PUM2: variants seen among roughly 807,000 people sequenced by gnomAD.
PUM2 encodes the protein pumilio homolog 2.
A neutral mutation model predicts 124.5 loss-of-function variants in PUM2; 57 were observed. The ratio of observed to expected loss-of-function variants is 0.46; its 90% CI spans 0.37 to 0.57. The LOEUF (loss-of-function observed/expected upper bound fraction) is 0.57. Ranked by LOEUF, PUM2 falls within the 20% of genes least tolerant of loss-of-function variation. PUM2 has a pLI of 0.00. For missense variants in PUM2, 1,065 were observed against 1,290.6 expected (o/e 0.83, Z 2.68); for synonymous variants, 460 against 446.1 (o/e 1.03, Z -0.39).
chr2:20,288,711 C>T (rs969367326), intron 10 of PUM2, among the ~76,000 whole-genome samples: 2 of 152,120 alleles, frequency 1.3e-5, no homozygotes, highest in Non-Finnish European at 2.9e-5. Flanking sequence ...GAAGGAACAT[C>T]GATTTTCTCA....
chr2:20,310,616 TCAGAA>T (rs1305998470), intron 5 of PUM2, among the ~76,000 whole-genome samples: 2 of 152,022 alleles, frequency 1.3e-5, no homozygotes, highest in African/African-American at 4.8e-5. Flanking sequence ...TTTTTTGCAC[TCAGAA>T]CAGATAGAAA....
intron 2 of PUM2, among the ~76,000 whole-genome samples, chr2:20,318,985 GA>G (rs1369233415): frequency 1.3e-5 from 2 of 152,144 alleles, no homozygotes; most frequent in Non-Finnish European, 2.9e-5. Flanking sequence ...AGGAATGACT[GA>G]ACTTTTCCCT....
chr2:20,293,700 T>C (rs948493806), intron 9 of PUM2, among the ~76,000 whole-genome samples: 10 of 151,938 alleles, frequency 6.6e-5, no homozygotes, highest in Non-Finnish European at 1.3e-4. Context: ...AGAGTAAGAC[T>C]GCTAAAAATA....
At chr2:20,318,754 T>C (rs946204823) in intron 2 of PUM2, 109 bp from the exon 3 acceptor site, 4 of 672,124 alleles carry the variant, frequency 6.0e-6, no homozygotes, top group Non-Finnish European at 7.1e-6. Context: ...TCAATGCTAA[T>C]GAAAATTCAG....
intron 7 of PUM2, among the ~76,000 whole-genome samples, chr2:20,306,605 T>G (rs1006359972): frequency 8.8e-6 from 1 of 114,194 alleles, no homozygotes; most frequent in Admixed American, 8.3e-5. Context: ...AAATGTGGAC[T>G]TTTTTTTTTT....
rs576835325 is a variant in PUM2 at position 20,312,336 on chromosome 2, G to A, written c.248C>T (p.Pro83Leu). 5 of 1,613,396 alleles carry A rather than the reference G, an allele frequency of 3.1e-6. No homozygotes were observed. Among genetic ancestry groups the A allele is most frequent in the East Asian group, 2.2e-5 (1 of 44,826 alleles). ...ACCAAGGCCTCCACTTTCTGATCGC[G>A]GAGACAGTATTGCATTTACTTCACT... ...GNSEVNAILS[P>L]RSESGGLGVS... Residue 83 changes from proline to leucine, a missense_variant, in exon 4 of 21, where the codon CCG becomes CTG. Pro to Leu is a moderately conservative substitution (Grantham distance 98, BLOSUM62 -3). This residue lies in a region of PUM2 where 90 missense variants were observed against 103.6 expected (regional missense o/e 0.87). Coordinates refer to ENST00000361078, the MANE Select transcript of PUM2 (RefSeq NM_015317.5).
At chr2:20,265,469 G>C (rs1457088380) in intron 13 of PUM2, among the ~76,000 whole-genome samples, 1 of 152,136 alleles carries the variant, frequency 6.6e-6, no homozygotes, top group East Asian at 1.9e-4. Flanking sequence ...AACAATAATT[G>C]ATCACTAGCC....
At chr2:20,293,025 T>C (rs1674594974) in intron 9 of PUM2, among the ~76,000 whole-genome samples, 1 of 152,190 alleles carries the variant, frequency 6.6e-6, no homozygotes, top group Admixed American at 6.5e-5. Flanking sequence ...ACGAGACTGA[T>C]GCAGACCAAA....
At chr2:20,277,611 G>A (rs946235355) in intron 13 of PUM2, among the ~76,000 whole-genome samples, 1 of 151,946 alleles carries the variant, frequency 6.6e-6, no homozygotes, top group Non-Finnish European at 1.5e-5. Flanking sequence ...AAGTTTTTTT[G>A]CTTGTTTTTG....
At chr2:20,253,733 A>G in intron 20 of PUM2, 89 bp downstream of exon 20, 4 of 1,204,012 alleles carry the variant, frequency 3.3e-6, no homozygotes, top group Non-Finnish European at 4.6e-6. Flanking sequence ...CAGTTATAAC[A>G]TACGGGAGGA....
Position 20,258,227 on chromosome 2 carries a change from C to A in PUM2, c.2484+16G>T. 1 of 1,570,848 alleles carries A rather than the reference C, an allele frequency of 6.4e-7. No homozygotes were observed. Among genetic ancestry groups the A allele is most frequent in the South Asian group, 1.2e-5 (1 of 82,156 alleles). On this transcript the variant is annotated intron_variant, in intron 16 of 20. Transcript: ENST00000361078. ...GAATAAAATAATACAAAAATTTTGT[C>A]TTAACTTACAATTACCTGCTGGTCA... is the stretch of plus-strand genomic sequence containing the variant.
At chr2:20,274,481 T>C (rs1369529895) in intron 13 of PUM2, among the ~76,000 whole-genome samples, 1 of 152,084 alleles carries the variant, frequency 6.6e-6, no homozygotes, top group Non-Finnish European at 1.5e-5. Flanking sequence ...AAATTTATAA[T>C]ATCTTGCCTA....
chr2:20,263,392 C>T lies in PUM2; in HGVS notation c.2026G>A (p.Ala676Thr), dbSNP rs369128963. Residue 676 changes from alanine (A) to threonine (T), a missense_variant, in exon 14 of 21, where the codon GCT becomes ACT. This residue lies in a region of PUM2 where 968 missense variants were observed against 1,159.8 expected (regional missense o/e 0.83). Transcript: ENST00000361078. ...APGAEAKYRS[A>T]SSTSSLFSSS... ...CTAAATAGACTGGAAGTGCTTGAAG[C>T]ACTTCGATATTTTGCTTCTGCTCCA... The T allele has an allele frequency of 6.2e-7, 1 of 1,613,912 alleles. No homozygotes were observed. Among genetic ancestry groups the T allele is most frequent in the Non-Finnish European group, 8.5e-7 (1 of 1,179,896 alleles).
At chr2:20,258,776 T>C (rs1665462847) in intron 15 of PUM2, among the ~76,000 whole-genome samples, 3 of 149,930 alleles carry the variant, frequency 2.0e-5, no homozygotes, top group African/African-American at 4.9e-5. Context: ...CACGCCATTC[T>C]CCTGCCTCAG....
intron 13 of PUM2, among the ~76,000 whole-genome samples, chr2:20,269,693 CATT>C (rs1360023724): frequency 1.3e-5 from 2 of 152,140 alleles, no homozygotes. Context: ...TGCAAGCAAA[CATT>C]AGATGCAAAT....
chr2:20,342,128 C>CAA (rs776745768), intron 1 of PUM2, among the ~76,000 whole-genome samples: 7,309 of 94,234 alleles, frequency 0.078, 261 homozygotes, highest in Non-Finnish European at 0.11. Context: ...GACTCTGTCT[C>CAA]AAAAAAAAAA....
rs755853923 is a variant in PUM2, at chr2:20,294,467, G to A, written c.1061C>T (p.Pro354Leu). The A allele has an allele frequency of 6.2e-7, 1 of 1,614,054 alleles. No homozygotes were observed. The highest frequency in any genetic ancestry group is 8.5e-7 in the Non-Finnish European group (1 of 1,180,012). ...AGCTTGCTGCTGAAATAAGTTGGCT[G>A]GATACACCCCCCATGGAACGCCGTA... ...QYYGVPWGVY[P>L]ANLFQQQAAA... The change falls in exon 9 of 21, where the codon CCA becomes CTA. Residue 354 changes from proline to leucine, a missense_variant. Pro to Leu is a moderately conservative substitution (Grantham distance 98, BLOSUM62 -3). Transcript: ENST00000361078.
chr2:20,260,550 G>A, intron 14 of PUM2, 84 bp from the exon 15 acceptor site: 1 of 1,189,890 alleles, frequency 8.4e-7, no homozygotes. Flanking sequence ...TATATGCACT[G>A]CAAGTTATTT....
intron 12 of PUM2, among the ~76,000 whole-genome samples, chr2:20,281,531 A>G (rs1332605838): frequency 1.3e-5 from 2 of 152,136 alleles, no homozygotes; most frequent in African/African-American, 4.8e-5. Flanking sequence ...TATTTCCACA[A>G]GTTTGTTTTT....
Sources: gnomAD v4.1 joint callset for allele counts (sites outside exome capture counted in the v4.1 genomes callset) on GRCh38, gnomAD v4.1.1 for gene constraint, gnomAD v4.1.1 regional missense constraint, MANE v1.5 for transcripts, NCBI Gene and HGNC (gene_info 2026-07-23, HGNC 2026-07-21) for gene names.